IPCEF1: variants seen among roughly 807,000 people sequenced by gnomAD.
IPCEF1 encodes the protein interactor protein for cytohesin exchange factors 1.
In IPCEF1, 31 loss-of-function variants were observed where a neutral mutation model predicts 50.9. That is an observed-to-expected ratio of 0.61 (90% CI 0.46 to 0.82). IPCEF1 has a LOEUF of 0.82. IPCEF1 is among the 40% of genes least tolerant of loss of function. The pLI is 0.00. For synonymous variants in IPCEF1, 181 were observed against 192.0 expected (o/e 0.94, Z 0.47); for missense variants, 458 against 514.0 (o/e 0.89, Z 1.05).
chr6:154,199,870 T>A lies in IPCEF1; in HGVS notation c.708A>T (p.Gly236=). The A allele has an allele frequency of 6.2e-7, 1 of 1,614,202 alleles. No individual in the cohort carries two copies. The highest frequency in any genetic ancestry group is 1.1e-5 in the South Asian group (1 of 91,090). The change falls in exon 10 of 12, where the codon GGA becomes GGT. Residue 236 remains glycine (G), a synonymous_variant. Transcript: ENST00000367220. ...CTTGCACAGCAAACGTTATTGGTTG[T>A]CCCTCATCTTCAGCAGCAGACAAAC... The part of the protein sequence containing the change: ...VNSLSAAEDE[G]QPITFAVQVH...
chr6:154,288,671 A>AC (rs1782431692), intron 2 of IPCEF1, among the ~76,000 whole-genome samples: 296 of 14,434 alleles, frequency 0.021, 8 homozygotes, highest in African/African-American at 0.1. Context: ...AAAAAACAAA[A>AC]AAAACAAAAA....
chr6:154,243,391 T>C (rs1780756008), intron 5 of IPCEF1, among the ~76,000 whole-genome samples: 1 of 152,196 alleles, frequency 6.6e-6, no homozygotes, highest in South Asian at 2.1e-4. Flanking sequence ...AAATGGCAGA[T>C]GAGCCTCTGG....
At chr6:154,295,421 G>A (rs973769309) in intron 1 of IPCEF1, among the ~76,000 whole-genome samples, 4 of 152,092 alleles carry the variant, frequency 2.6e-5, no homozygotes, top group Non-Finnish European at 4.4e-5. Context: ...GGTGGCTGCC[G>A]TGCTGCCCCC....
At chr6:154,303,418 G>C (rs1468906291) in intron 1 of IPCEF1, among the ~76,000 whole-genome samples, 1 of 152,098 alleles carries the variant, frequency 6.6e-6, no homozygotes, top group Non-Finnish European at 1.5e-5. Flanking sequence ...TTTGTCATTT[G>C]ATTACTGGTG....
At chr6:154,350,583 A>T (rs747253458) in intron 1 of IPCEF1, among the ~76,000 whole-genome samples, 31 of 152,260 alleles carry the variant, frequency 2.0e-4, no homozygotes, top group Non-Finnish European at 4.0e-4. Flanking sequence ...TGGGCTTATT[A>T]CTAGCACATA....
At chr6:154,190,492 CAAAACACAG>C (rs1801775307) in intron 10 of IPCEF1, among the ~76,000 whole-genome samples, 2 of 152,152 alleles carry the variant, frequency 1.3e-5, no homozygotes, top group Admixed American at 1.3e-4. Context: ...GGCGAAAATC[CAAAACACAG>C]AAAACACCAA....
rs765534374 is a variant in IPCEF1, at chr6:154,155,915, C to T, written c.*3913G>A. ...CTTTGAATCTGTTTCATCTCTGTGA[C>T]ATTGTTTGTGACTGGAGTGCTACCT... On this transcript the variant is annotated 3_prime_UTR_variant, in exon 12 of 12. Coordinates refer to ENST00000367220, the MANE Select transcript of IPCEF1 (RefSeq NM_001130700.2). The T allele has an allele frequency of 1.3e-5, 2 of 152,130 alleles. No individual in the cohort carries two copies. Among genetic ancestry groups the T allele is most frequent in the Admixed American group, 1.3e-4 (2 of 15,280 alleles). The allele number at this position is 152,130 out of a possible 1,614,324, so 9.4% of individuals were successfully genotyped here. A position where few individuals can be genotyped will look rare whatever the true frequency, so the allele number is the denominator to read the frequency against.
intron 1 of IPCEF1, among the ~76,000 whole-genome samples, chr6:154,321,504 G>A (rs181843228): frequency 9.2e-5 from 14 of 152,064 alleles, no homozygotes; most frequent in African/African-American, 2.9e-4. Flanking sequence ...CAGGTCAGGC[G>A]TTGTGGCTCA....
chr6:154,242,811 C>T (rs905876674), intron 5 of IPCEF1, among the ~76,000 whole-genome samples: 1 of 152,046 alleles, frequency 6.6e-6, no homozygotes, highest in Non-Finnish European at 1.5e-5. Context: ...TCGCTTGATC[C>T]TGGGAGGCAG....
At chr6:154,203,477 A>C (rs995813052) in intron 9 of IPCEF1, among the ~76,000 whole-genome samples, 5 of 152,240 alleles carry the variant, frequency 3.3e-5, no homozygotes, top group African/African-American at 1.2e-4. Context: ...AGCCTTCTGT[A>C]TCCATGGATT....
At chr6:154,281,190 A>G (rs1782201314) in intron 2 of IPCEF1, among the ~76,000 whole-genome samples, 1 of 133,158 alleles carries the variant, frequency 7.5e-6, no homozygotes, top group African/African-American at 3.9e-5. Flanking sequence ...AATACAAAAA[A>G]AAAAAAAAAA....
chr6:154,344,042 A>C (rs1045237771), intron 1 of IPCEF1, among the ~76,000 whole-genome samples: 1 of 152,222 alleles, frequency 6.6e-6, no homozygotes. Context: ...GCCTAGTCAA[A>C]CCAATCCCCT....
chr6:154,328,820 C>T (rs2128691743), intron 1 of IPCEF1, among the ~76,000 whole-genome samples: 1 of 152,240 alleles, frequency 6.6e-6, no homozygotes, highest in East Asian at 1.9e-4. Flanking sequence ...TTCCCGGTCT[C>T]ACTTTAGAAA....
rs1278383641 is a variant in IPCEF1, at chr6:154,158,476, T to G, written c.*1352A>C. On this transcript the variant is annotated 3_prime_UTR_variant, in exon 12 of 12. Coordinates refer to ENST00000367220, the MANE Select transcript of IPCEF1 (RefSeq NM_001130700.2). ...TTGCAGGCATAAATGGCACAAAGCT[T>G]AAAGTTTATTTAATAGAAAGGATAA... 2.0e-5 allele frequency: 3 copies of G among 152,224 alleles called. No individual in the cohort carries two copies. Among genetic ancestry groups the G allele is most frequent in the Non-Finnish European group, 4.4e-5 (3 of 68,036 alleles). 9.4% of individuals were successfully genotyped at this position (152,224 alleles called of 1,614,324 possible). A position where few individuals can be genotyped will look rare whatever the true frequency, so the allele number is the denominator to read the frequency against.
intron 2 of IPCEF1, among the ~76,000 whole-genome samples, chr6:154,285,450 T>C (rs1782335693): frequency 2.0e-5 from 3 of 152,198 alleles, no homozygotes; most frequent in African/African-American, 2.4e-5. Context: ...TGGATTCTAT[T>C]TTTTAGAAAG....
chr6:154,313,237 T>C (rs1783129670), intron 1 of IPCEF1, among the ~76,000 whole-genome samples: 1 of 151,540 alleles, frequency 6.6e-6, no homozygotes, highest in South Asian at 2.1e-4. Context: ...CCAAGCGTAG[T>C]AGTGGTGGGT....
chr6:154,298,328 T>C (rs143417401), intron 1 of IPCEF1, among the ~76,000 whole-genome samples: 2 of 152,218 alleles, frequency 1.3e-5, no homozygotes, highest in African/African-American at 2.4e-5. Flanking sequence ...AGCTTTCAGA[T>C]ACACCCCATT....
At chr6:154,171,614 T>C (rs954841264) in intron 10 of IPCEF1, among the ~76,000 whole-genome samples, 1 of 152,224 alleles carries the variant, frequency 6.6e-6, no homozygotes, top group African/African-American at 2.4e-5. Flanking sequence ...GTGTGAATGT[T>C]ATGGTATGTG....
chr6:154,269,829 G>T (rs145779471), intron 2 of IPCEF1, among the ~76,000 whole-genome samples: 412 of 152,270 alleles, frequency 2.7e-3, no homozygotes, highest in African/African-American at 7.9e-3. Flanking sequence ...ACTCATGTAC[G>T]TACTTTTGAT....
Sources: allele counts gnomAD v4.1 joint callset (sites outside exome capture counted in the v4.1 genomes callset), GRCh38; gene constraint gnomAD v4.1.1; transcripts MANE v1.5; gene names NCBI Gene and HGNC (gene_info 2026-07-23, HGNC 2026-07-21).